TSPAN18: variants seen among roughly 807,000 people sequenced by gnomAD.
The protein encoded by TSPAN18 is tetraspanin 18, also known as tetraspanin-18.
Under a neutral mutation model 27.3 loss-of-function variants are expected in TSPAN18, and 14 were observed. The ratio of observed to expected loss-of-function variants is 0.51; its 90% CI spans 0.34 to 0.80. The LOEUF (loss-of-function observed/expected upper bound fraction) is 0.80. Among genes scored for constraint, TSPAN18 ranks in the 30% least tolerant of loss-of-function variants. TSPAN18 has a pLI of 0.01. For synonymous variants in TSPAN18, 143 were observed against 136.5 expected, an observed-to-expected ratio of 1.05 and a Z score of -0.33; for missense variants, 268 against 323.9, an observed-to-expected ratio of 0.83 and a Z score of 1.32.
At chr11:44,878,557 G>A (rs540814590) in intron 3 of TSPAN18, among the ~76,000 whole-genome samples, 22 of 152,294 alleles carry the variant, frequency 1.4e-4, no homozygotes, top group African/African-American at 4.8e-4. Context: ...AAACTGAGTG[G>A]TGGGTACCCA....
Position 44,888,156 on chromosome 11 carries a change from C to T in TSPAN18, c.-10-18251C>T, listed in dbSNP as rs146134306. On this transcript the variant is annotated intron_variant, in intron 3 of 9. Transcript: ENST00000520358. ...ACCCAGGACTCGGGGCTGCCAACTC[C>T]TCCTCTTCACCACTTGCTTCTGCCT... is the stretch of plus-strand genomic sequence containing the variant. 6.0e-4 allele frequency among the ~76,000 whole-genome samples: 92 copies of T among 152,270 alleles called. 1 individual carries two copies. The highest frequency in any genetic ancestry group is 2.1e-3 in the African/African-American group (89 of 41,544).
In TSPAN18 at chr11:44,918,118, C is replaced by T; in HGVS notation, c.333+72C>T. The stretch of plus-strand genomic sequence containing the variant: ...GGTTGGTGGCCATTCAGGTCTGGCT[C>T]CTCCCCTCCTTGAAGGGTCTCAGAG... On this transcript the variant is annotated intron_variant, in intron 6 of 9. Coordinates refer to ENST00000520358, the MANE Select transcript of TSPAN18 (RefSeq NM_130783.5). The T allele has an allele frequency of 2.7e-6, 4 of 1,486,494 alleles. No individual in the cohort carries two copies. The South Asian group carries it at 4.6e-5, about 17-fold the overall frequency. 92.1% of individuals were successfully genotyped at this position (1,486,494 alleles called of 1,614,324 possible). A position where few individuals can be genotyped will look rare whatever the true frequency, so the allele number is the denominator to read the frequency against.
At position 44,753,231 on chromosome 11, in the gene TSPAN18, C is replaced by T. The variant is rs112601048; in HGVS notation, c.-239-11195C>T. Among the ~76,000 whole-genome samples, 162 of 152,206 alleles carry T rather than the reference C, an allele frequency of 1.1e-3. 1 individual carries two copies. The highest frequency in any genetic ancestry group is 3.5e-3 in the African/African-American group (146 of 41,528). On this transcript the variant is annotated intron_variant, in intron 1 of 9. Coordinates refer to ENST00000520358, the MANE Select transcript of TSPAN18 (RefSeq NM_130783.5). ...GCAACCTCCGACTCCCTGGTTCAAG[C>T]GATTCTCCTGCCTCAACCTCCCGAG...
rs190746762 is a variant in TSPAN18, at chr11:44,755,750, G to A, written c.-239-8676G>A. ...AGCCTGGATCCTGTGGCCTGGCATC[G>A]GCTTGGGAGACGAGGTCTGAGGCTG... On this transcript the variant is annotated intron_variant, in intron 1 of 9. Coordinates refer to ENST00000520358, the MANE Select transcript of TSPAN18 (RefSeq NM_130783.5). Among the ~76,000 whole-genome samples the A allele has an allele frequency of 2.1e-3, 314 of 152,306 alleles. 1 individual carries two copies. Among genetic ancestry groups the A allele is most frequent in the African/African-American group, 6.4e-3 (265 of 41,566 alleles).
At chr11:44,832,175 C>T (rs1324293621) in intron 2 of TSPAN18, among the ~76,000 whole-genome samples, 1 of 152,186 alleles carries the variant, frequency 6.6e-6, no homozygotes, top group African/African-American at 2.4e-5. Context: ...GAGGCGACAT[C>T]GCTCGACCCC....
At chr11:44,910,283 C>G (rs1859660763) in intron 5 of TSPAN18, among the ~76,000 whole-genome samples, 1 of 152,218 alleles carries the variant, frequency 6.6e-6, no homozygotes, top group Non-Finnish European at 1.5e-5. Context: ...AATCCAGGAC[C>G]CTTGGCTTAA....
chr11:44,883,242 G>A (rs907036017), intron 3 of TSPAN18, among the ~76,000 whole-genome samples: 5 of 152,134 alleles, frequency 3.3e-5, no homozygotes, highest in Non-Finnish European at 7.3e-5. Context: ...TTTAAATGAC[G>A]AGGCTGGCTC....
Position 44,776,868 on chromosome 11 carries a change from T to C in TSPAN18, c.-153+12356T>C, listed in dbSNP as rs983741990. 5.3e-5 allele frequency among the ~76,000 whole-genome samples: 8 copies of C among 152,208 alleles called. No homozygotes were observed. The South Asian group carries it at 1.7e-3, about 32-fold the overall frequency. ...CTAGTTTCACCATGCTTCTCTAGAT[T>C]TGGCTTATATTCTGAGTGTTTTAAA... On this transcript the variant is annotated intron_variant, in intron 2 of 9. Transcript: ENST00000520358.
intron 2 of TSPAN18, among the ~76,000 whole-genome samples, chr11:44,829,514 T>G (rs1462011076): frequency 6.6e-6 from 1 of 152,230 alleles, no homozygotes; most frequent in Non-Finnish European, 1.5e-5. Context: ...TTGGGTACGA[T>G]AGCTCATTTC....
chr11:44,768,717 G>A (rs888388216), intron 2 of TSPAN18, among the ~76,000 whole-genome samples: 11 of 151,870 alleles, frequency 7.2e-5, no homozygotes, highest in South Asian at 4.2e-4. Context: ...ATTAACTATC[G>A]GTGTTCTGTA....
At chr11:44,833,951 G>A (rs1310044717) in intron 2 of TSPAN18, among the ~76,000 whole-genome samples, 2 of 151,560 alleles carry the variant, frequency 1.3e-5, no homozygotes, top group South Asian at 2.1e-4. Flanking sequence ...CTGCTGGGCA[G>A]GTAAATAACA....
chr11:44,918,608 G>C (rs1232643320), intron 6 of TSPAN18, among the ~76,000 whole-genome samples: 1 of 151,850 alleles, frequency 6.6e-6, no homozygotes, highest in Non-Finnish European at 1.5e-5. Context: ...ATGGCCCTGG[G>C]GTAGAGGAGG....
intron 2 of TSPAN18, among the ~76,000 whole-genome samples, chr11:44,845,938 A>T (rs1056785152): frequency 6.6e-6 from 1 of 152,236 alleles, no homozygotes; most frequent in Non-Finnish European, 1.5e-5. Context: ...AGAGCAAAGC[A>T]TCAGCTTGGG....
chr11:44,848,398 T>G (rs552713822), intron 2 of TSPAN18, among the ~76,000 whole-genome samples: 162 of 152,008 alleles, frequency 1.1e-3, no homozygotes, highest in Non-Finnish European at 1.9e-3. Flanking sequence ...CCCCAAGGAG[T>G]GCGCCCTTAG....
chr11:44,825,403 A>G (rs2135130364), intron 2 of TSPAN18, among the ~76,000 whole-genome samples: 1 of 152,228 alleles, frequency 6.6e-6, no homozygotes, highest in Middle Eastern at 3.4e-3. Context: ...CATTATTAGG[A>G]AATGGGCAGC....
chr11:44,753,141 C>G (rs1180078587), intron 1 of TSPAN18, among the ~76,000 whole-genome samples: 1 of 151,940 alleles, frequency 6.6e-6, no homozygotes, highest in African/African-American at 2.4e-5. Flanking sequence ...ATTTTCTTTT[C>G]TTTTTGAGAC....
At chr11:44,752,469 T>G (rs951937954) in intron 1 of TSPAN18, among the ~76,000 whole-genome samples, 4 of 152,232 alleles carry the variant, frequency 2.6e-5, no homozygotes, top group African/African-American at 9.6e-5. Flanking sequence ...AGCACCTTTC[T>G]GTTTTGTAGA....
At chr11:44,795,148 C>T (rs1204621671) in intron 2 of TSPAN18, among the ~76,000 whole-genome samples, 6 of 143,806 alleles carry the variant, frequency 4.2e-5, no homozygotes, top group Non-Finnish European at 9.1e-5. Context: ...GTGGCTGGCT[C>T]CTGCCAGCCT....
chr11:44,864,894 G>T (rs918796773), intron 3 of TSPAN18, among the ~76,000 whole-genome samples: 1 of 152,206 alleles, frequency 6.6e-6, no homozygotes, highest in Non-Finnish European at 1.5e-5. Context: ...TCTCCTTGTG[G>T]GTATCTCACC....
Sources: allele counts gnomAD v4.1 joint callset (sites outside exome capture counted in the v4.1 genomes callset), GRCh38; gene constraint gnomAD v4.1.1; transcripts MANE v1.5; gene names NCBI Gene and HGNC (gene_info 2026-07-23, HGNC 2026-07-21).